FAM204A: variants seen among roughly 807,000 people sequenced by gnomAD.
FAM204A encodes family with sequence similarity 204 member A, also known as protein FAM204A.
In FAM204A, 16 loss-of-function variants were observed where a neutral mutation model predicts 35.4. The ratio of observed to expected loss-of-function variants is 0.45; its 90% confidence interval spans 0.31 to 0.69. FAM204A has a LOEUF of 0.69. FAM204A is among the 30% of genes least tolerant of loss of function. The pLI is 0.07. For synonymous variants in FAM204A, 76 were observed against 86.9 expected (o/e 0.88, Z 0.70); for missense variants, 240 against 265.7 (o/e 0.90, Z 0.67).
chr10:118,329,229 C>T (rs755125798), intron 6 of FAM204A, among the ~76,000 whole-genome samples: 3 of 152,150 alleles, frequency 2.0e-5, no homozygotes, highest in Non-Finnish European at 2.9e-5. Flanking sequence ...TTCAGGGACA[C>T]GTGATCCCTT....
Position 118,302,393 on chromosome 10 carries a change from A to G in FAM204A, c.*8464T>C, listed in dbSNP as rs1186936717. On this transcript the variant is annotated 3_prime_UTR_variant, in exon 9 of 9. Transcript: ENST00000369183. ...CTACGGAGGTAAAGGAAGCAGCAAA[A>G]CAAATCTTGAAAAAGGCAGCTTGCT... 6.6e-6 allele frequency: 1 copy of G among 152,248 alleles called. No individual in the cohort carries two copies. The highest frequency in any genetic ancestry group is 1.5e-5 in the Non-Finnish European group (1 of 68,048). 9.4% of individuals were successfully genotyped at this position (152,248 alleles called of 1,614,324 possible).
Position 118,300,818 on chromosome 10 carries a change from G to A in FAM204A, c.*10039C>T, listed in dbSNP as rs928538572. On this transcript the variant is annotated 3_prime_UTR_variant, in exon 9 of 9. Coordinates refer to ENST00000369183, the MANE Select transcript of FAM204A (RefSeq NM_022063.3). ...TTACTTCCCTAAAGACCCAGGGAGG[G>A]GAGAGAAAGTGCTCTGCTTGTATCC... The A allele has an allele frequency of 1.3e-5, 2 of 152,132 alleles. No homozygotes were observed. Among genetic ancestry groups the A allele is most frequent in the Non-Finnish European group, 2.9e-5 (2 of 68,038 alleles). The allele number at this position is 152,132 out of a possible 1,614,324, so 9.4% of individuals were successfully genotyped here.
rs1313569257 is a variant in FAM204A at position 118,300,654 on chromosome 10, A to G, written c.*10203T>C. On this transcript the variant is annotated 3_prime_UTR_variant, in exon 9 of 9. Transcript: ENST00000369183. ...TCCACTGAGAGCTGTCTGACTCTGA[A>G]GCCAGTCCTTTAGCCACCCACCTAT... 6.6e-6 allele frequency: 1 copy of G among 152,198 alleles called. No homozygotes were observed. The highest frequency in any genetic ancestry group is 6.5e-5 in the Admixed American group (1 of 15,280). The allele number at this position is 152,198 out of a possible 1,614,324, so 9.4% of individuals were successfully genotyped here.
intron 6 of FAM204A, among the ~76,000 whole-genome samples, chr10:118,327,369 T>C (rs1589726162): frequency 1.3e-5 from 2 of 152,216 alleles, no homozygotes; most frequent in South Asian, 4.1e-4. Context: ...CTGTCACTGA[T>C]GTCTGTTGCT....
At chr10:118,327,995 T>C (rs981253083) in intron 6 of FAM204A, among the ~76,000 whole-genome samples, 1 of 152,176 alleles carries the variant, frequency 6.6e-6, no homozygotes, top group African/African-American at 2.4e-5. Context: ...TTTGTCCAGA[T>C]GGCTTTTGCT....
At chr10:118,321,582 T>C (rs1399146954) in intron 7 of FAM204A, among the ~76,000 whole-genome samples, 1 of 151,990 alleles carries the variant, frequency 6.6e-6, no homozygotes, top group Non-Finnish European at 1.5e-5. Flanking sequence ...ACATTTACTA[T>C]TCTTACAAGG....
intron 7 of FAM204A, among the ~76,000 whole-genome samples, chr10:118,318,055 T>C (rs953728332): frequency 3.3e-5 from 5 of 152,046 alleles, no homozygotes; most frequent in Non-Finnish European, 7.4e-5. Flanking sequence ...GTGTCCTATA[T>C]TCTTTCTCAT....
intron 7 of FAM204A, among the ~76,000 whole-genome samples, chr10:118,319,897 T>C (rs1031007730): frequency 9.2e-5 from 14 of 151,938 alleles, no homozygotes; most frequent in African/African-American, 3.4e-4. Flanking sequence ...TCAAAGACCA[T>C]CCTGTTTCAG....
chr10:118,335,983 C>T (rs768630358), intron 3 of FAM204A, 199 bp downstream of exon 3: 26 of 598,280 alleles, frequency 4.3e-5, no homozygotes, highest in Non-Finnish European at 6.3e-5. Flanking sequence ...TTTCCCCCTC[C>T]GTCTTTCTAT....
Position 118,326,140 on chromosome 10 carries a change from C to T in FAM204A, c.543+14G>A, listed in dbSNP as rs775958709. 1 of 1,602,260 alleles carries T rather than the reference C, an allele frequency of 6.2e-7. No homozygotes were observed. The highest frequency in any genetic ancestry group is 8.5e-7 in the Non-Finnish European group (1 of 1,172,524). ...ATTTGAAAATACAGAAAATGTGTAA[C>T]CCTTTTGACTCACCTCTCGAGTAGC... is the stretch of plus-strand genomic sequence containing the variant. On this transcript the variant is annotated intron_variant, in intron 7 of 8. Transcript: ENST00000369183.
In FAM204A at chr10:118,336,897, T is replaced by C. The variant is rs139745331; in HGVS notation, c.-8-474A>G. On this transcript the variant is annotated intron_variant, in intron 2 of 8. Coordinates refer to ENST00000369183, the MANE Select transcript of FAM204A (RefSeq NM_022063.3). The stretch of plus-strand genomic sequence containing the variant: ...GACAAAGCTTTCAGAGGGCGTCTTG[T>C]CTAAGGAGCAGGAAAATAACTAAAG... Among the ~76,000 whole-genome samples, 499 of 152,310 alleles carry C rather than the reference T, an allele frequency of 3.3e-3. 3 individuals are homozygous for C. The highest frequency in any genetic ancestry group is 0.011 in the African/African-American group (467 of 41,572).
rs1306824858 is a variant in FAM204A, at chr10:118,304,184, CCT to C, written c.*6671_*6672del. The C allele has an allele frequency of 6.6e-6, 1 of 152,184 alleles. No homozygotes were observed. Among genetic ancestry groups the C allele is most frequent in the Non-Finnish European group, 1.5e-5 (1 of 68,056 alleles). The allele number at this position is 152,184 out of a possible 1,614,324, so 9.4% of individuals were successfully genotyped here. The stretch of plus-strand genomic sequence containing the variant: ...CCTGTTGACATGCCACCTTTCAAGA[CCT>C]CTTTCATCGACCTATTTCTGCAACC... On this transcript the variant is annotated 3_prime_UTR_variant, in exon 9 of 9. Coordinates refer to ENST00000369183, the MANE Select transcript of FAM204A (RefSeq NM_022063.3).
intron 2 of FAM204A, among the ~76,000 whole-genome samples, chr10:118,340,909 TG>T (rs1294207434): frequency 6.8e-6 from 1 of 147,026 alleles, no homozygotes; most frequent in Non-Finnish European, 1.5e-5. Context: ...AATAGCCCCA[TG>T]GCTTTAGATT....
chr10:118,320,049 T>G (rs1394070500), intron 7 of FAM204A, among the ~76,000 whole-genome samples: 2 of 151,992 alleles, frequency 1.3e-5, no homozygotes, highest in Non-Finnish European at 2.9e-5. Context: ...GTATGATGCT[T>G]TGGATGGCAG....
At chr10:118,312,937 G>A (rs1845976345) in intron 7 of FAM204A, among the ~76,000 whole-genome samples, 1 of 152,092 alleles carries the variant, frequency 6.6e-6, no homozygotes, top group Non-Finnish European at 1.5e-5. Flanking sequence ...GACTGCTTTA[G>A]TATTGGCTTT....
At chr10:118,326,744 C>A (rs1366820078) in intron 6 of FAM204A, among the ~76,000 whole-genome samples, 1 of 152,160 alleles carries the variant, frequency 6.6e-6, no homozygotes, top group African/African-American at 2.4e-5. Context: ...TTGCTCAGAG[C>A]CTGCATTCTC....
intron 2 of FAM204A, among the ~76,000 whole-genome samples, chr10:118,339,389 C>T (rs1846438720): frequency 6.6e-6 from 1 of 152,212 alleles, no homozygotes; most frequent in Admixed American, 6.5e-5. Flanking sequence ...CCATGTTAGG[C>T]CTCCTGTTAT....
chr10:118,321,543 G>A (rs1846115851), intron 7 of FAM204A, among the ~76,000 whole-genome samples: 2 of 151,750 alleles, frequency 1.3e-5, no homozygotes, highest in African/African-American at 4.8e-5. Flanking sequence ...CATTGTATTT[G>A]TATGAATATA....
intron 6 of FAM204A, among the ~76,000 whole-genome samples, chr10:118,328,993 T>C (rs950834631): frequency 3.9e-5 from 6 of 152,158 alleles, no homozygotes; most frequent in Non-Finnish European, 8.8e-5. Flanking sequence ...CCTGTACCAA[T>C]ACCTACATCT....
Sources: gnomAD v4.1 joint callset for allele counts (sites outside exome capture counted in the v4.1 genomes callset) on GRCh38, gnomAD v4.1.1 for gene constraint, MANE v1.5 for transcripts, NCBI Gene and HGNC (gene_info 2026-07-23, HGNC 2026-07-21) for gene names.